ERAP2: variants seen among roughly 807,000 people sequenced by gnomAD.
ERAP2 encodes the protein endoplasmic reticulum aminopeptidase 2, also known as leukocyte-derived arginine aminopeptidase.
In ERAP2, 118 loss-of-function variants were observed where a neutral mutation model predicts 111.1. That is an observed-to-expected ratio of 1.06 (90% confidence interval 0.92 to 1.24). The LOEUF is 1.24. Among genes scored for constraint, ERAP2 ranks in the 50% most tolerant of loss-of-function variants. The pLI, the probability that ERAP2 is intolerant of heterozygous loss-of-function variation, is 0.00. For synonymous variants in ERAP2, 410 were observed against 401.2 expected (o/e 1.02, Z -0.26); for missense variants, 1,131 against 1,125.8 (o/e 1.00, Z -0.07).
rs770131948 is a variant in ERAP2 at position 96,917,485 on chromosome 5, T to C, written c.2763T>C (p.Leu921=). 52 of 1,612,436 alleles carry C rather than the reference T, an allele frequency of 3.2e-5. No individual in the cohort carries two copies. The Admixed American group carries it at 8.1e-4, about 25-fold the overall frequency. The change falls in exon 19 of 19, where the codon CTT becomes CTC. Residue 921 remains leucine, a synonymous_variant. Coordinates refer to ENST00000437043, the MANE Select transcript of ERAP2 (RefSeq NM_022350.5). Reference sequence around the variant, plus strand: ...AGGTGAAACTATTTTTTGAATCTCTTGAGGCTCAAGGATCACATCTGGATA... The same window carrying C: ...AGGTGAAACTATTTTTTGAATCTCTCGAGGCTCAAGGATCACATCTGGATA... ...LQEVKLFFES[L]EAQGSHLDIF... is the part of the protein sequence containing the mutation.
intron 6 of ERAP2, among the ~76,000 whole-genome samples, chr5:96,893,732 T>C (rs964097342): frequency 1.3e-5 from 2 of 152,220 alleles, no homozygotes; most frequent in Non-Finnish European, 2.9e-5. Flanking sequence ...TTGATTACCA[T>C]GTTAACATGT....
In ERAP2 at chr5:96,889,288, A is replaced by G. The variant is rs1784082496; in HGVS notation, c.953A>G (p.Tyr318Cys). Reference sequence around the variant, plus strand: ...TATGAAAAGTACTTTGATATCTACTATCCACTCTCCAAACTGGGTATGTTC... The same window carrying G: ...TATGAAAAGTACTTTGATATCTACTGTCCACTCTCCAAACTGGGTATGTTC... ...DFYEKYFDIY[Y>C]PLSKLDLIAI... is the part of the protein sequence containing the mutation. The change falls in exon 5 of 19, where the codon TAT becomes TGT. Residue 318 changes from tyrosine (Y) to cysteine (C), a missense_variant. Transcript: ENST00000437043. The G allele has an allele frequency of 1.2e-6, 2 of 1,613,878 alleles. No homozygotes were observed. The highest frequency in any genetic ancestry group is 1.1e-5 in the South Asian group (1 of 91,086).
intron 5 of ERAP2, among the ~76,000 whole-genome samples, chr5:96,889,704 G>A (rs1202861389): frequency 6.6e-6 from 1 of 152,132 alleles, no homozygotes; most frequent in Non-Finnish European, 1.5e-5. Flanking sequence ...GTGGCTCCCT[G>A]TGGCGGACAT....
chr5:96,900,243 A>G lies in ERAP2; in HGVS notation c.1572+54A>G, dbSNP rs368255098. On this transcript the variant is annotated intron_variant, in intron 10 of 18. Transcript: ENST00000437043. ...AGAGATCTGTGGAATAGCCTGACCT[A>G]GAGTGAGTATGACATACAGAGTAGC... 322 of 1,609,550 alleles carry G rather than the reference A, an allele frequency of 2.0e-4. No homozygotes were observed. In the African/African-American group the frequency reaches 3.9e-3, roughly 19 times the overall value.
At chr5:96,912,515 T>C (rs1248691457) in intron 15 of ERAP2, 122 bp from the exon 16 acceptor site, 2 of 588,254 alleles carry the variant, frequency 3.4e-6, no homozygotes, top group East Asian at 3.3e-5. Flanking sequence ...GAGAAAAAGA[T>C]TTAATACATT....
Position 96,889,205 on chromosome 5 carries a change from A to G in ERAP2, c.870A>G (p.Pro290=), listed in dbSNP as rs1176837409. 2.5e-6 allele frequency: 4 copies of G among 1,614,186 alleles called. No homozygotes were observed. The highest frequency in any genetic ancestry group is 1.7e-5 in the Admixed American group (1 of 60,024). ...CCCAGGTGTCCATCTATGCATCCCC[A>G]GACAAACGGAATCAAACACATTATG... ...SGVKVSIYAS[P]DKRNQTHYAL... is the part of the protein sequence containing the mutation. The change falls in exon 5 of 19, where the codon CCA becomes CCG. Residue 290 remains proline (P), a synonymous_variant. Transcript: ENST00000437043.
rs1785485068 is a variant in ERAP2, at chr5:96,901,669, C to T, written c.1736C>T (p.Ala579Val). 1 of 1,613,680 alleles carries T rather than the reference C, an allele frequency of 6.2e-7. No homozygotes were observed. The highest frequency in any genetic ancestry group is 1.3e-5 in the African/African-American group (1 of 74,896). The change falls in exon 11 of 19, where the codon GCC (alanine) becomes GTC (valine). Residue 579 changes from alanine to valine, a missense_variant. Coordinates refer to ENST00000437043, the MANE Select transcript of ERAP2 (RefSeq NM_022350.5). ...TTCCAGGAAGACCCTGAATGGAGGG[C>T]CCTGCAGGAGAGGTGGCTGCTTTTC... ...GVFQEDPEWR[A>V]LQERYLWHIP... is the part of the protein sequence containing the mutation.
intron 9 of ERAP2, among the ~76,000 whole-genome samples, chr5:96,897,404 G>A (rs1784984326): frequency 6.6e-6 from 1 of 152,110 alleles, no homozygotes; most frequent in Non-Finnish European, 1.5e-5. Context: ...CTTACAGACT[G>A]TTCCAGCCCT....
intron 6 of ERAP2, among the ~76,000 whole-genome samples, chr5:96,892,814 A>ATATC (rs1416099574): frequency 2.0e-5 from 3 of 152,106 alleles, no homozygotes; most frequent in Non-Finnish European, 2.9e-5. Context: ...ATCCCCTGGT[A>ATATC]CTCTGGCATT....
chr5:96,884,025 A>G, intron 3 of ERAP2, 95 bp downstream of exon 3: 2 of 1,205,444 alleles, frequency 1.7e-6, no homozygotes, highest in Non-Finnish European at 2.3e-6. Flanking sequence ...TTCAGCCATT[A>G]ATTTGTTTTT....
At chr5:96,917,326 G>C (rs1787527709) in intron 18 of ERAP2, 136 bp from the exon 19 acceptor site, 2 of 640,810 alleles carry the variant, frequency 3.1e-6, no homozygotes, top group Non-Finnish European at 5.2e-6. Flanking sequence ...CTGGCATGTT[G>C]CCTAGGCTCG....
chr5:96,889,237 A>T lies in ERAP2; in HGVS notation c.902A>T (p.Gln301Leu). 1 of 1,614,038 alleles carries T rather than the reference A, an allele frequency of 6.2e-7. No homozygotes were observed. The highest frequency in any genetic ancestry group is 1.1e-5 in the South Asian group (1 of 91,086). Residue 301 changes from glutamine (Q) to leucine (L), a missense_variant, in exon 5 of 19, where the codon CAG (glutamine) becomes CTG (leucine). By Grantham distance (113) the Gln-to-Leu change is moderately radical. Around this residue, in one of 3 missense-constraint regions of ERAP2, gnomAD observed 847 missense variants for 856.5 expected, o/e 0.99. Transcript: ENST00000437043. ...DKRNQTHYAL[Q>L]ASLKLLDFYE... ...CGGAATCAAACACATTATGCTTTGC[A>T]GGCATCACTGAAGCTACTTGATTTT... is the stretch of plus-strand genomic sequence containing the variant.
At chr5:96,912,251 C>T (rs1431695231) in intron 15 of ERAP2, among the ~76,000 whole-genome samples, 1 of 146,014 alleles carries the variant, frequency 6.8e-6, no homozygotes, top group African/African-American at 2.5e-5. Context: ...AAAAAAGCAT[C>T]AAGTAATCAT....
At chr5:96,904,025 C>T (rs1785774059) in intron 13 of ERAP2, among the ~76,000 whole-genome samples, 2 of 152,148 alleles carry the variant, frequency 1.3e-5, no homozygotes, top group South Asian at 4.1e-4. Flanking sequence ...AGCTGCTACA[C>T]CAAATACCGG....
At chr5:96,880,948 G>A (rs1581785271) in intron 2 of ERAP2, 1 of 158,500 alleles carries the variant, frequency 6.3e-6, no homozygotes, top group African/African-American at 2.4e-5. Flanking sequence ...CAGTTGACTG[G>A]GCAGGGAAGT....
chr5:96,879,681 A>G lies in ERAP2; in HGVS notation c.-5A>G. The G allele has an allele frequency of 6.2e-7, 1 of 1,611,894 alleles. No homozygotes were observed. Among genetic ancestry groups the G allele is most frequent in the Non-Finnish European group, 8.5e-7 (1 of 1,178,066 alleles). On this transcript the variant is annotated 5_prime_UTR_variant, in exon 2 of 19. Coordinates refer to ENST00000437043, the MANE Select transcript of ERAP2 (RefSeq NM_022350.5). Reference sequence around the variant, plus strand: ...TATTAACTTGTCTTCTAGAGAATAGATTTCATGTTCCATTCTTCTGCAATG... The same window carrying G: ...TATTAACTTGTCTTCTAGAGAATAGGTTTCATGTTCCATTCTTCTGCAATG...
chr5:96,895,401 AATC>A, intron 7 of ERAP2, 42 bp downstream of exon 7: 5 of 1,292,782 alleles, frequency 3.9e-6, no homozygotes, highest in Non-Finnish European at 5.5e-6. Flanking sequence ...TGGTGTAAAG[AATC>A]ATCAATTCAC....
In ERAP2 at chr5:96,913,374, C is replaced by T; in HGVS notation, c.2574C>T (p.Leu858=). ...TCAAGACACAGAACTTGGCAGCTCTCCTTCATGCGATTGCCAGACGTCCAA... is the reference window on the plus strand; with the variant it reads ...TCAAGACACAGAACTTGGCAGCTCTTCTTCATGCGATTGCCAGACGTCCAA... ...KVIKTQNLAA[L]LHAIARRPKG... is the part of the protein sequence containing the mutation. Residue 858 remains leucine, a synonymous_variant, in exon 17 of 19, where the codon CTC becomes CTT. Coordinates refer to ENST00000437043, the MANE Select transcript of ERAP2 (RefSeq NM_022350.5). 1 of 1,614,084 alleles carries T rather than the reference C, an allele frequency of 6.2e-7. No homozygotes were observed. Among genetic ancestry groups the T allele is most frequent in the Non-Finnish European group, 8.5e-7 (1 of 1,179,990 alleles).
intron 17 of ERAP2, among the ~76,000 whole-genome samples, chr5:96,914,921 T>C (rs1318192478): frequency 2.1e-5 from 3 of 143,044 alleles, no homozygotes; most frequent in Non-Finnish European, 4.5e-5. Flanking sequence ...AAATGATATA[T>C]AGTATAAAAA....
Sources: allele counts gnomAD v4.1 joint callset (sites outside exome capture counted in the v4.1 genomes callset), GRCh38; gene constraint gnomAD v4.1.1; regional missense constraint gnomAD v4.1.1; transcripts MANE v1.5; gene names NCBI Gene and HGNC (gene_info 2026-07-23, HGNC 2026-07-21).